The following TMEM108 variants were observed in gnomAD, a reference collection of about 807,000 sequenced individuals.
TMEM108 encodes cancer/testis antigen 124.
Under a neutral mutation model 35.1 loss-of-function variants are expected in TMEM108, and 12 were observed. The observed-to-expected ratio is 0.34, with a 90% CI of 0.22 to 0.55. The LOEUF (loss-of-function observed/expected upper bound fraction) is 0.55. TMEM108 is among the 20% of genes least tolerant of loss of function. The pLI is 0.89. For missense variants in TMEM108, 680 were observed against 753.3 expected, an observed-to-expected ratio of 0.90 and a Z score of 1.14; for synonymous variants, 287 against 308.6, an observed-to-expected ratio of 0.93 and a Z score of 0.73.
Position 133,308,189 on chromosome 3 carries a change from G to A in TMEM108, c.41-71563G>A, listed in dbSNP as rs572582982. On this transcript the variant is annotated intron_variant, in intron 3 of 5. Coordinates refer to ENST00000321871, the MANE Select transcript of TMEM108 (RefSeq NM_023943.4). Reference sequence around the variant, plus strand: ...CTGTTATTGACGTATAGGAATGCTTGTGATTTTTGCATATGGGTTTTGTAT... The same window carrying A: ...CTGTTATTGACGTATAGGAATGCTTATGATTTTTGCATATGGGTTTTGTAT... 6.6e-4 allele frequency among the ~76,000 whole-genome samples: 101 copies of A among 152,246 alleles called. 1 individual carries two copies. The highest frequency in any genetic ancestry group is 1.3e-3 in the Non-Finnish European group (90 of 68,024).
chr3:133,392,207 G>A (rs547924512), intron 5 of TMEM108, among the ~76,000 whole-genome samples: 1 of 151,226 alleles, frequency 6.6e-6, no homozygotes, highest in South Asian at 2.1e-4. Flanking sequence ...CCGTTGCCCA[G>A]ACTGGAGTGC....
intron 2 of TMEM108, among the ~76,000 whole-genome samples, chr3:133,069,033 G>T (rs146920915): frequency 2.0e-5 from 3 of 152,162 alleles, no homozygotes; most frequent in Non-Finnish European, 4.4e-5. Context: ...ACAAAGGAAG[G>T]CTGGGAAATG....
At position 133,325,303 on chromosome 3, in the gene TMEM108, T is replaced by C. The variant is rs549358360; in HGVS notation, c.41-54449T>C. Reference sequence around the variant, plus strand: ...TGAGGGTGTAAAGGCATAAGAATGATATAATGGATTTTGGGGATTCAAGAA... The same window carrying C: ...TGAGGGTGTAAAGGCATAAGAATGACATAATGGATTTTGGGGATTCAAGAA... On this transcript the variant is annotated intron_variant, in intron 3 of 5. Transcript: ENST00000321871. Among the ~76,000 whole-genome samples the C allele has an allele frequency of 4.1e-4, 62 of 152,240 alleles. 3 individuals carry two copies. The South Asian group carries it at 0.012, about 30-fold the overall frequency.
intron 3 of TMEM108, among the ~76,000 whole-genome samples, chr3:133,323,505 A>G (rs1219296046): frequency 6.6e-6 from 1 of 152,200 alleles, no homozygotes; most frequent in Non-Finnish European, 1.5e-5. Flanking sequence ...ACTACAGAAC[A>G]GTACTGAAAG....
chr3:133,063,651 C>G (rs1399635906), intron 2 of TMEM108, among the ~76,000 whole-genome samples: 1 of 152,106 alleles, frequency 6.6e-6, no homozygotes, highest in East Asian at 1.9e-4. Context: ...AGGGCTTCTC[C>G]TTGTATTCTT....
intron 3 of TMEM108, among the ~76,000 whole-genome samples, chr3:133,269,477 C>T (rs557596459): frequency 6.6e-6 from 1 of 152,234 alleles, no homozygotes; most frequent in South Asian, 2.1e-4. Context: ...TTTATGTAAA[C>T]TCATCAAGGA....
chr3:133,164,701 T>C (rs955624983), intron 2 of TMEM108, among the ~76,000 whole-genome samples: 49 of 152,184 alleles, frequency 3.2e-4, no homozygotes, highest in African/African-American at 1.1e-3. Context: ...ATGACAACCC[T>C]GGCTATGTTA....
intron 3 of TMEM108, among the ~76,000 whole-genome samples, chr3:133,299,024 T>C (rs1947183108): frequency 6.6e-6 from 1 of 152,182 alleles, no homozygotes. Context: ...TGGGGAAATC[T>C]GAACTGTGGG....
At chr3:133,190,772 G>A (rs1163132783) in intron 2 of TMEM108, among the ~76,000 whole-genome samples, 2 of 152,230 alleles carry the variant, frequency 1.3e-5, no homozygotes, top group African/African-American at 4.8e-5. Flanking sequence ...CACACAGTCT[G>A]TGCTGGGCAC....
At chr3:133,063,728 A>G (rs1310012017) in intron 2 of TMEM108, among the ~76,000 whole-genome samples, 1 of 152,124 alleles carries the variant, frequency 6.6e-6, no homozygotes, top group African/African-American at 2.4e-5. Flanking sequence ...ATAGACTGGA[A>G]TGGGAGAAAG....
At chr3:133,239,670 A>G (rs899490546) in intron 3 of TMEM108, among the ~76,000 whole-genome samples, 2 of 152,208 alleles carry the variant, frequency 1.3e-5, no homozygotes, top group Non-Finnish European at 2.9e-5. Flanking sequence ...TGGGCCAAGA[A>G]TTACATGTCT....
chr3:133,063,232 T>C (rs1199914652), intron 2 of TMEM108, among the ~76,000 whole-genome samples: 4 of 152,100 alleles, frequency 2.6e-5, no homozygotes, highest in Admixed American at 1.3e-4. Flanking sequence ...TCTCTGTGGC[T>C]ACTGAATTCA....
chr3:133,269,830 T>C (rs1398124178), intron 3 of TMEM108, among the ~76,000 whole-genome samples: 5 of 152,040 alleles, frequency 3.3e-5, no homozygotes, highest in African/African-American at 4.8e-5. Context: ...TCCTCTGGGG[T>C]TCCCAAGGAA....
At chr3:133,139,225 A>C (rs1006591212) in intron 2 of TMEM108, among the ~76,000 whole-genome samples, 2 of 152,186 alleles carry the variant, frequency 1.3e-5, no homozygotes, top group Non-Finnish European at 2.9e-5. Context: ...ATAAACATAC[A>C]TGTGCATGTG....
chr3:133,086,747 C>T (rs1004229426), intron 2 of TMEM108, among the ~76,000 whole-genome samples: 8 of 152,162 alleles, frequency 5.3e-5, no homozygotes, highest in Non-Finnish European at 1.2e-4. Context: ...GCTAAATTAA[C>T]ATTGGCTCAA....
intron 2 of TMEM108, among the ~76,000 whole-genome samples, chr3:133,159,666 T>C (rs186656632): frequency 2.8e-4 from 43 of 152,198 alleles, no homozygotes; most frequent in Admixed American, 4.6e-4. Flanking sequence ...CGGATATTGT[T>C]GTTATCTGCA....
chr3:133,202,991 T>C (rs945304594), intron 2 of TMEM108, among the ~76,000 whole-genome samples: 1 of 152,222 alleles, frequency 6.6e-6, no homozygotes, highest in Non-Finnish European at 1.5e-5. Context: ...GTAGTTCTCC[T>C]TGAAGAGGTC....
intron 3 of TMEM108, among the ~76,000 whole-genome samples, chr3:133,289,385 A>G (rs955353003): frequency 4.6e-5 from 7 of 152,192 alleles, no homozygotes; most frequent in Non-Finnish European, 2.9e-5. Flanking sequence ...AACAGCACCA[A>G]AGTGCCCTAG....
chr3:133,267,344 T>C (rs1440539023), intron 3 of TMEM108, among the ~76,000 whole-genome samples: 2 of 152,192 alleles, frequency 1.3e-5, no homozygotes, highest in Non-Finnish European at 2.9e-5. Context: ...CAGGGCATCA[T>C]GGCAGCCCAG....
Sources: allele counts gnomAD v4.1 joint callset (sites outside exome capture counted in the v4.1 genomes callset), GRCh38; gene constraint gnomAD v4.1.1; transcripts MANE v1.5; gene names NCBI Gene and HGNC (gene_info 2026-07-23, HGNC 2026-07-21).